The following ADORA2B variants were observed in gnomAD, a reference collection of about 807,000 sequenced individuals.
ADORA2B encodes adenosine A2b receptor.
ADORA2B carries 18 observed loss-of-function variants against 20.8 expected under a neutral mutation model. The observed-to-expected ratio is 0.87, with a 90% CI of 0.60 to 1.29. ADORA2B has a LOEUF of 1.29. Ranked by LOEUF, ADORA2B falls within the 50% of genes most tolerant of loss-of-function variation. ADORA2B has a pLI of 0.00. For missense variants in ADORA2B, 441 were observed against 422.7 expected (o/e 1.04, Z -0.38); for synonymous variants, 179 against 178.3 (o/e 1.00, Z -0.03).
the ADORA2B span, among the ~76,000 whole-genome samples, chr17:15,886,196 C>T: frequency 4.6e-5 from 7 of 152,178 alleles, no homozygotes; most frequent in African/African-American, 1.7e-4. Context: ...AAGAAAGAAC[C>T]AGACTTTTGT....
chr17:15,951,575 G>C (rs934721377), intron 1 of ADORA2B, among the ~76,000 whole-genome samples: 6 of 152,256 alleles, frequency 3.9e-5, no homozygotes, highest in African/African-American at 1.2e-4. Flanking sequence ...TAAGGGGCTG[G>C]TTCCTGGCAT....
the ADORA2B span, among the ~76,000 whole-genome samples, chr17:15,880,681 T>C: frequency 6.6e-6 from 1 of 151,862 alleles, no homozygotes; most frequent in Non-Finnish European, 1.5e-5. Context: ...TGTGGCCCGC[T>C]CAGGGATCCA....
the ADORA2B span, among the ~76,000 whole-genome samples, chr17:15,874,250 C>T: frequency 1.3e-5 from 2 of 151,702 alleles, no homozygotes; most frequent in South Asian, 2.1e-4. Flanking sequence ...TGTTCTCACT[C>T]ATGAGTGGGA....
At chr17:15,867,495 G>T in the ADORA2B span, among the ~76,000 whole-genome samples, 1 of 148,948 alleles carries the variant, frequency 6.7e-6, no homozygotes, top group South Asian at 2.1e-4. Flanking sequence ...GAAGTGAGGA[G>T]CCCCTCTGCC....
chr17:15,899,946 C>T, the ADORA2B span, among the ~76,000 whole-genome samples: 2 of 152,028 alleles, frequency 1.3e-5, no homozygotes, highest in Non-Finnish European at 2.9e-5. Context: ...ATTCTTCTGC[C>T]TCAGCCTCCT....
At chr17:15,953,301 T>G (rs79832074) in intron 1 of ADORA2B, among the ~76,000 whole-genome samples, 9,390 of 152,264 alleles carry the variant, frequency 0.062, 977 homozygotes, top group African/African-American at 0.21. Flanking sequence ...AGTCCATGAA[T>G]GAGTCGCATT....
intron 1 of ADORA2B, among the ~76,000 whole-genome samples, chr17:15,949,685 AC>A (rs1969870653): frequency 6.6e-6 from 1 of 152,010 alleles, no homozygotes; most frequent in African/African-American, 2.4e-5. Context: ...AGCCTGGCCA[AC>A]ATGATGAAAC....
the ADORA2B span, among the ~76,000 whole-genome samples, chr17:15,895,898 A>T: frequency 6.6e-6 from 1 of 152,192 alleles, no homozygotes; most frequent in Non-Finnish European, 1.5e-5. Context: ...ACACAGTGTT[A>T]GTACCAAGAC....
the ADORA2B span, among the ~76,000 whole-genome samples, chr17:15,869,468 A>G: frequency 1.3e-5 from 2 of 152,178 alleles, no homozygotes; most frequent in Non-Finnish European, 2.9e-5. Context: ...TAATCCAAGC[A>G]TATTCTTTGT....
At chr17:15,860,792 A>ATTAT in the ADORA2B span, 2 of 166,250 alleles carry the variant, frequency 1.2e-5, no homozygotes, top group African/African-American at 4.8e-5. Flanking sequence ...CCTCTTCTTC[A>ATTAT]GGAATAGGTG....
chr17:15,970,313 T>G (rs6502476), intron 1 of ADORA2B, among the ~76,000 whole-genome samples: 16,531 of 152,112 alleles, frequency 0.11, 1,618 homozygotes, highest in African/African-American at 0.26. Context: ...CCCACTGATT[T>G]AATTAGCTGC....
At chr17:15,907,619 A>T in the ADORA2B span, among the ~76,000 whole-genome samples, 1 of 152,200 alleles carries the variant, frequency 6.6e-6, no homozygotes, top group East Asian at 1.9e-4. Flanking sequence ...AACAAAAATA[A>T]ATCAATCAGT....
chr17:15,909,341 C>T, the ADORA2B span, among the ~76,000 whole-genome samples: 1 of 152,198 alleles, frequency 6.6e-6, no homozygotes, highest in African/African-American at 2.4e-5. Context: ...CCCTGCCTTT[C>T]AGGAAATATG....
the ADORA2B span, among the ~76,000 whole-genome samples, chr17:15,881,628 G>T: frequency 6.6e-6 from 1 of 152,138 alleles, no homozygotes; most frequent in Admixed American, 6.5e-5. Context: ...ATTTTGCTTT[G>T]TCTCTGAATT....
the ADORA2B span, among the ~76,000 whole-genome samples, chr17:15,887,498 C>T: frequency 1.5e-5 from 2 of 130,448 alleles, 1 homozygote; most frequent in South Asian, 4.5e-4. Context: ...TGGAAAGGTG[C>T]TATGAAGGCC....
chr17:15,975,362 C>T lies in ADORA2B; in HGVS notation c.*20C>T. 1.9e-6 allele frequency: 3 copies of T among 1,594,486 alleles called. No individual in the cohort carries two copies. Among genetic ancestry groups the T allele is most frequent in the Middle Eastern group, 1.7e-4 (1 of 5,924 alleles). On this transcript the variant is annotated 3_prime_UTR_variant, in exon 2 of 2. Transcript: ENST00000304222. ...CTATGATCTAGGCTCTCGCCTCTTC[C>T]AGGAGAAGATACAAATCCACAAGAA...
At chr17:15,963,673 G>A (rs893906366) in intron 1 of ADORA2B, among the ~76,000 whole-genome samples, 1 of 152,156 alleles carries the variant, frequency 6.6e-6, no homozygotes, top group African/African-American at 2.4e-5. Context: ...GAATCACCAG[G>A]CCCAAAGGGG....
Position 15,975,168 on chromosome 17 carries a change from CATT to C in ADORA2B, c.826_828del (p.Ile276del). On this transcript the variant is annotated inframe_deletion, in exon 2 of 2. Transcript: ENST00000304222. ...AGCCCAAGTGGGCAATGAATATGGC[CATT>C]CTTCTGTCACATGCCAATTCAGTTG... The C allele has an allele frequency of 6.2e-7, 1 of 1,614,162 alleles. No individual in the cohort carries two copies. Among genetic ancestry groups the C allele is most frequent in the East Asian group, 2.2e-5 (1 of 44,868 alleles).
At chr17:15,864,865 T>C in the ADORA2B span, among the ~76,000 whole-genome samples, 1 of 151,900 alleles carries the variant, frequency 6.6e-6, no homozygotes, top group Non-Finnish European at 1.5e-5. Context: ...AAGAACAATA[T>C]AGAATGGCTG....
Sources: gnomAD v4.1 joint callset for allele counts (sites outside exome capture counted in the v4.1 genomes callset) on GRCh38, gnomAD v4.1.1 for gene constraint, MANE v1.5 for transcripts, NCBI Gene and HGNC (gene_info 2026-07-23, HGNC 2026-07-21) for gene names.